Variants in UBE2Q2 observed in about 807,000 individuals in gnomAD.
UBE2Q2 encodes the protein ubiquitin-conjugating enzyme E2 Q2.
In UBE2Q2, 54 loss-of-function variants were observed where a neutral mutation model predicts 59.9. That is an observed-to-expected ratio of 0.90 (90% CI 0.72 to 1.13). UBE2Q2 has a LOEUF of 1.13. Ranked by LOEUF, UBE2Q2 falls within the 50% of genes most tolerant of loss-of-function variation. The pLI is 0.00. For synonymous variants in UBE2Q2, 165 were observed against 155.2 expected, an observed-to-expected ratio of 1.06 and a Z score of -0.47; for missense variants, 433 against 441.9, an observed-to-expected ratio of 0.98 and a Z score of 0.18.
rs772156143 is a variant in UBE2Q2, at chr15:75,854,408, C to T, written c.203C>T (p.Pro68Leu). The T allele has an allele frequency of 8.7e-6, 14 of 1,612,538 alleles. No individual in the cohort carries two copies. Among genetic ancestry groups the T allele is most frequent in the African/African-American group, 6.7e-5 (5 of 74,822 alleles). The change falls in exon 2 of 13, where the codon CCG becomes CTG. Residue 68 changes from proline (P) to leucine (L), a missense_variant. Transcript: ENST00000267938. The stretch of plus-strand genomic sequence containing the variant: ...CAGGAATCCTATCCATCTTCTTCAC[C>T]GATATGGTTTGTGGATTCTGAAGAC... ...NITESYPSSS[P>L]IWFVDSEDPN...
intron 11 of UBE2Q2, among the ~76,000 whole-genome samples, chr15:75,894,882 A>C (rs958914899): frequency 1.3e-5 from 2 of 151,804 alleles, no homozygotes; most frequent in African/African-American, 4.8e-5. Flanking sequence ...TGTTTCTTTT[A>C]TTTTTGTCCT....
intron 1 of UBE2Q2, 37 bp downstream of exon 1, chr15:75,843,883 A>C: frequency 2.0e-6 from 3 of 1,517,532 alleles, no homozygotes; most frequent in Non-Finnish European, 2.6e-6. Context: ...GGGCAGGGCG[A>C]GGACGGAGAG....
intron 5 of UBE2Q2, among the ~76,000 whole-genome samples, chr15:75,875,540 A>G (rs1388339881): frequency 6.6e-6 from 1 of 152,184 alleles, no homozygotes; most frequent in African/African-American, 2.4e-5. Flanking sequence ...ACTCTATTTT[A>G]GTAAATAATG....
chr15:75,869,046 T>G (rs1466131065), intron 4 of UBE2Q2, 36 bp downstream of exon 4: 20 of 1,558,364 alleles, frequency 1.3e-5, no homozygotes, highest in Non-Finnish European at 8.8e-7. Context: ...TTCATAAATT[T>G]CTTCATTTTT....
chr15:75,847,661 T>C (rs570216309), intron 1 of UBE2Q2, among the ~76,000 whole-genome samples: 2 of 152,286 alleles, frequency 1.3e-5, no homozygotes, highest in African/African-American at 4.8e-5. Context: ...CAGCTTGTTT[T>C]AAGCAGCCTT....
chr15:75,881,576 G>A (rs1049273464), intron 8 of UBE2Q2, among the ~76,000 whole-genome samples: 3 of 152,148 alleles, frequency 2.0e-5, no homozygotes, highest in African/African-American at 7.2e-5. Context: ...ACCTTAAACT[G>A]AATTGCCAAG....
chr15:75,861,756 CTT>C (rs892623032), intron 3 of UBE2Q2, among the ~76,000 whole-genome samples: 17 of 152,198 alleles, frequency 1.1e-4, no homozygotes, highest in African/African-American at 3.9e-4. Flanking sequence ...TATCCCAAAA[CTT>C]AATGGCATAA....
At chr15:75,865,658 A>T (rs1897424043) in intron 3 of UBE2Q2, among the ~76,000 whole-genome samples, 1 of 152,188 alleles carries the variant, frequency 6.6e-6, no homozygotes, top group African/African-American at 2.4e-5. Context: ...GTCAGAGAAT[A>T]TGGCCTGTGA....
At chr15:75,883,576 A>G in intron 9 of UBE2Q2, 152 bp downstream of exon 9, 1 of 589,514 alleles carries the variant, frequency 1.7e-6, no homozygotes, top group Non-Finnish European at 3.0e-6. Flanking sequence ...TGCTGGGATT[A>G]CAGGCATGAG....
chr15:75,887,041 C>T (rs12915152), intron 9 of UBE2Q2, among the ~76,000 whole-genome samples: 19 of 151,598 alleles, frequency 1.3e-4, no homozygotes, highest in Admixed American at 9.8e-4. Context: ...AAATCTGTTA[C>T]GTAGTTTCTT....
chr15:75,893,561 A>G (rs1899224386), intron 11 of UBE2Q2, among the ~76,000 whole-genome samples: 1 of 152,230 alleles, frequency 6.6e-6, no homozygotes, highest in South Asian at 2.1e-4. Context: ...TGTAGATTTG[A>G]ACAACCAGTG....
At chr15:75,873,629 CAG>C (rs1266618034) in intron 5 of UBE2Q2, 61 bp downstream of exon 5, 48 of 1,537,152 alleles carry the variant, frequency 3.1e-5, no homozygotes, top group Non-Finnish European at 4.2e-5. Flanking sequence ...TAGTTAATAC[CAG>C]GCAATTCATT....
At chr15:75,858,518 C>CTGAA (rs1463170056) in intron 2 of UBE2Q2, among the ~76,000 whole-genome samples, 4 of 152,150 alleles carry the variant, frequency 2.6e-5, no homozygotes, top group Non-Finnish European at 5.9e-5. Context: ...ACCTGTCCTT[C>CTGAA]TGAATGTCTC....
chr15:75,859,477 T>C (rs986756570), intron 2 of UBE2Q2, among the ~76,000 whole-genome samples: 2 of 152,234 alleles, frequency 1.3e-5, no homozygotes, highest in Non-Finnish European at 2.9e-5. Context: ...GTAACAACAC[T>C]GCCTGTGTGT....
intron 1 of UBE2Q2, chr15:75,844,509 T>G: frequency 1.3e-6 from 2 of 1,550,142 alleles, no homozygotes; most frequent in Non-Finnish European, 1.7e-6. Flanking sequence ...TGTATTCGTG[T>G]GGCCCCTCCC....
At position 75,876,183 on chromosome 15, in the gene UBE2Q2, T is replaced by C; in HGVS notation, c.589-4T>C. The stretch of plus-strand genomic sequence containing the variant: ...CCTGGTAAACAGTGGCTTTTGTGTT[T>C]CAGGGTGCAGTGTCTGGGTCAGTGC... On this transcript the variant is annotated splice_region_variant and splice_polypyrimidine_tract_variant and intron_variant, in intron 5 of 12. Transcript: ENST00000267938. 6.2e-7 allele frequency: 1 copy of C among 1,613,894 alleles called. No homozygotes were observed. Among genetic ancestry groups the C allele is most frequent in the Non-Finnish European group, 8.5e-7 (1 of 1,179,902 alleles).
chr15:75,894,192 A>G (rs1275409141), intron 11 of UBE2Q2, among the ~76,000 whole-genome samples: 1 of 152,218 alleles, frequency 6.6e-6, no homozygotes, highest in Admixed American at 6.5e-5. Flanking sequence ...GCTCAGAGGA[A>G]TGTTCATTGC....
chr15:75,844,247 AG>A (rs1896194847), intron 1 of UBE2Q2: 1 of 1,495,402 alleles, frequency 6.7e-7, no homozygotes. Context: ...CAGGCCGGCA[AG>A]GGGAACGGCC....
intron 9 of UBE2Q2, among the ~76,000 whole-genome samples, chr15:75,889,505 T>C (rs1290441784): frequency 1.3e-5 from 2 of 152,156 alleles, no homozygotes; most frequent in African/African-American, 4.8e-5. Context: ...ATGGAAGATG[T>C]GCAGGCTAGA....
Sources: gnomAD v4.1 joint callset for allele counts (sites outside exome capture counted in the v4.1 genomes callset) on GRCh38, gnomAD v4.1.1 for gene constraint, MANE v1.5 for transcripts, NCBI Gene and HGNC (gene_info 2026-07-23, HGNC 2026-07-21) for gene names.